IQSEC3: variants seen among roughly 807,000 people sequenced by gnomAD.
The protein encoded by IQSEC3 is IQ motif and SEC7 domain-containing protein 3.
In IQSEC3, 50 loss-of-function variants were observed where a neutral mutation model predicts 105.4. The observed-to-expected ratio is 0.47, with a 90% confidence interval of 0.38 to 0.60. The LOEUF is 0.60. IQSEC3 is among the 20% of genes least tolerant of loss of function. IQSEC3 has a pLI of 0.00. For synonymous variants in IQSEC3, 708 were observed against 746.0 expected (o/e 0.95, Z 0.83); for missense variants, 1,415 against 1,630.0 (o/e 0.87, Z 2.27).
In IQSEC3 at chr12:139,228, T is replaced by C. The variant is rs782071053; in HGVS notation, c.1865T>C (p.Leu622Pro). 65 of 1,593,348 alleles carry C rather than the reference T, an allele frequency of 4.1e-5. No individual in the cohort carries two copies. The highest frequency in any genetic ancestry group is 5.5e-5 in the Non-Finnish European group (64 of 1,169,982). ...EASASASKDA[L>P]QAMILSLPRY... ...TCGGCCTCCGCCTCCAAGGACGCCC[T>C]GCAGGCCATGATCCTGAGCCTGCCG... is the stretch of plus-strand genomic sequence containing the variant. Residue 622 changes from leucine (L) to proline (P), a missense_variant, in exon 4 of 14, where the codon CTG becomes CCG. This residue lies in a region of IQSEC3 where 720 missense variants were observed against 633.0 expected (regional missense o/e 1.14). Coordinates refer to ENST00000538872, the MANE Select transcript of IQSEC3 (RefSeq NM_001170738.2).
chr12:74,936 T>A (rs529490758), intron 1 of IQSEC3, among the ~76,000 whole-genome samples: 2 of 152,388 alleles, frequency 1.3e-5, no homozygotes, highest in South Asian at 4.1e-4. Context: ...TATGTGACGA[T>A]GGACCAAAAG....
chr12:164,284 A>G (rs1867065927), intron 9 of IQSEC3, among the ~76,000 whole-genome samples: 1 of 151,900 alleles, frequency 6.6e-6, no homozygotes, highest in South Asian at 2.1e-4. Flanking sequence ...CACCTCCACT[A>G]CTACAGTCTT....
intron 1 of IQSEC3, among the ~76,000 whole-genome samples, chr12:89,338 T>TG (rs1864012806): frequency 6.6e-6 from 1 of 152,150 alleles, no homozygotes; most frequent in South Asian, 2.1e-4. Flanking sequence ...TTAGGTGATC[T>TG]GGGGGCAATG....
Position 138,198 on chromosome 12 carries a change from C to A in IQSEC3, c.904-69C>A. The A allele has an allele frequency of 7.1e-7, 1 of 1,414,114 alleles. No individual in the cohort carries two copies. The highest frequency in any genetic ancestry group is 9.7e-7 in the Non-Finnish European group (1 of 1,029,238). The allele number at this position is 1,414,114 out of a possible 1,614,324, so 87.6% of individuals were successfully genotyped here. ...ACCCGAGTGTGGCCGGGTGACTCCA[C>A]CACTCCTCAGAAGGGCTGACCACCC... On this transcript the variant is annotated intron_variant, in intron 3 of 13. Transcript: ENST00000538872. This position sits in a 1 kb window ranked among gnomAD's most constrained non-coding sequence, Gnocchi z 7.1.
In IQSEC3 at chr12:139,039, C is replaced by A. The variant is rs1555088031; in HGVS notation, c.1676C>A (p.Ala559Asp). The A allele has an allele frequency of 6.7e-7, 1 of 1,488,784 alleles. No homozygotes were observed. 92.2% of individuals were successfully genotyped at this position (1,488,784 alleles called of 1,614,324 possible). A position where few individuals can be genotyped will look rare whatever the true frequency, so the allele number is the denominator to read the frequency against. The change falls in exon 4 of 14, where the codon GCT becomes GAT. Residue 559 changes from alanine (A) to aspartate (D), a missense_variant. By Grantham distance (126) the Ala-to-Asp change is moderately radical. Coordinates refer to ENST00000538872, the MANE Select transcript of IQSEC3 (RefSeq NM_001170738.2). ...SAEDSCAEAA[A>D]SGAADGATAP... is the part of the protein sequence containing the mutation. ...GAGGACTCATGCGCAGAGGCTGCGG[C>A]TAGTGGGGCGGCGGATGGGGCCACA... is the stretch of plus-strand genomic sequence containing the variant.
rs566415160 is a variant in IQSEC3 at position 172,706 on chromosome 12, T to A, written c.3114+1545T>A. ...GAGCTGTTCTCTGACCTGCTGCTCA[T>A]GTTCCATCCTCTGTCTCCCCACTCC... On this transcript the variant is annotated intron_variant, in intron 13 of 13. Coordinates refer to ENST00000538872, the MANE Select transcript of IQSEC3 (RefSeq NM_001170738.2). 1.4e-4 allele frequency among the ~76,000 whole-genome samples: 22 copies of A among 152,354 alleles called. No individual in the cohort carries two copies. The South Asian group carries it at 3.9e-3, about 27-fold the overall frequency.
chr12:149,808 A>G (rs928168997), intron 5 of IQSEC3, among the ~76,000 whole-genome samples: 1 of 152,100 alleles, frequency 6.6e-6, no homozygotes, highest in Admixed American at 6.5e-5. Context: ...AAATAACAGC[A>G]TGCACCAAAG....
At position 138,935 on chromosome 12, in the gene IQSEC3, G is replaced by C. The variant is rs1410907391; in HGVS notation, c.1572G>C (p.Ala524=). 30 of 1,589,936 alleles carry C rather than the reference G, an allele frequency of 1.9e-5. No individual in the cohort carries two copies. The highest frequency in any genetic ancestry group is 2.6e-5 in the Non-Finnish European group (30 of 1,169,400). Residue 524 remains alanine, a synonymous_variant, in exon 4 of 14, where the codon GCG becomes GCC. Coordinates refer to ENST00000538872, the MANE Select transcript of IQSEC3 (RefSeq NM_001170738.2). This position sits in a 1 kb window ranked among gnomAD's most constrained non-coding sequence, Gnocchi z 7.1. ...TCCAGGCCCCCGCAGAGCCCGCGGCGGGCAAGGCCGAGCAGGGCGAGACCT... is the reference window on the plus strand; with the variant it reads ...TCCAGGCCCCCGCAGAGCCCGCGGCCGGCAAGGCCGAGCAGGGCGAGACCT... ...QTVQAPAEPA[A]GKAEQGETSG...
chr12:80,158 A>C (rs1286766095), intron 1 of IQSEC3, among the ~76,000 whole-genome samples: 1 of 152,236 alleles, frequency 6.6e-6, no homozygotes, highest in African/African-American at 2.4e-5. Flanking sequence ...GAGCAGCTGC[A>C]TTTGAACTTG....
intron 2 of IQSEC3, among the ~76,000 whole-genome samples, chr12:107,678 G>A (rs1362233270): frequency 3.9e-5 from 6 of 151,970 alleles, no homozygotes; most frequent in Non-Finnish European, 8.8e-5. Flanking sequence ...CCAAAGTGCT[G>A]GGATTACAGG....
At chr12:163,652 C>T in intron 9 of IQSEC3, 33 bp downstream of exon 9, 1 of 1,226,088 alleles carries the variant, frequency 8.2e-7, no homozygotes, top group Non-Finnish European at 1.2e-6. Flanking sequence ...CTGGGCTGGG[C>T]TGGGGCTGCC....
chr12:76,086 TCACACACACACACA>T (rs55736036), intron 1 of IQSEC3, among the ~76,000 whole-genome samples: 131 of 148,448 alleles, frequency 8.8e-4, no homozygotes, highest in South Asian at 1.7e-3. Flanking sequence ...GAGAGTTTCA[TCACACACACACACA>T]CACACACACA....
intron 2 of IQSEC3, among the ~76,000 whole-genome samples, chr12:112,014 T>C (rs538916157): frequency 1.3e-5 from 2 of 152,284 alleles, no homozygotes; most frequent in African/African-American, 2.4e-5. Flanking sequence ...TGGTTCCTCA[T>C]AGGCTGAGTA....
At chr12:68,650 T>C (rs1297105841) in intron 1 of IQSEC3, among the ~76,000 whole-genome samples, 4 of 152,388 alleles carry the variant, frequency 2.6e-5, no homozygotes, top group African/African-American at 7.2e-5. Context: ...ACCTTGACAA[T>C]GGTGATGCAT....
At chr12:70,933 C>T (rs2136857509) in intron 1 of IQSEC3, among the ~76,000 whole-genome samples, 1 of 152,400 alleles carries the variant, frequency 6.6e-6, no homozygotes, top group African/African-American at 2.4e-5. Context: ...TCCTCTGCCT[C>T]ACTACCCTTT....
At chr12:174,181 T>G (rs1370463142) in intron 13 of IQSEC3, among the ~76,000 whole-genome samples, 1 of 152,156 alleles carries the variant, frequency 6.6e-6, no homozygotes, top group East Asian at 1.9e-4. Context: ...CAATAACGCT[T>G]GGCTCTGTCC....
At position 171,152 on chromosome 12, in the gene IQSEC3, C is replaced by A. The variant is rs574196677; in HGVS notation, c.3105C>A (p.Ser1035Arg). 6.2e-7 allele frequency: 1 copy of A among 1,614,110 alleles called. No individual in the cohort carries two copies. Among genetic ancestry groups the A allele is most frequent in the Admixed American group, 1.7e-5 (1 of 60,010 alleles). ...CGCTCAGGGAGAGGCCGGCGGAGAG[C>A]ACGGTGGAGGTAAGTGGAGCCCTGG... ...EAALRERPAESTVEVSIHNRL... is the reference protein window; with the variant it reads ...EAALRERPAERTVEVSIHNRL... Residue 1035 changes from serine (S) to arginine (R), a missense_variant, in exon 13 of 14, where the codon AGC becomes AGA. By Grantham distance (110) the Ser-to-Arg change is moderately radical. This residue lies in a region of IQSEC3 where 419 missense variants were observed against 436.2 expected (regional missense o/e 0.96). Coordinates refer to ENST00000538872, the MANE Select transcript of IQSEC3 (RefSeq NM_001170738.2).
At position 125,684 on chromosome 12, in the gene IQSEC3, AGCG is replaced by A. The variant is rs1555083058; in HGVS notation, c.683_685del (p.Ala228del). On this transcript the variant is annotated inframe_deletion, in exon 3 of 14. Coordinates refer to ENST00000538872, the MANE Select transcript of IQSEC3 (RefSeq NM_001170738.2). Reference sequence around the variant, plus strand: ...GGGGCATGGAGGACTCCGTGGTGGCAGCGGCGGCGGTGGCAGCCGGCAGACCCA... The same window carrying A: ...GGGGCATGGAGGACTCCGTGGTGGCAGCGGCGGTGGCAGCCGGCAGACCCA... The A allele has an allele frequency of 2.0e-6, 3 of 1,536,840 alleles. No homozygotes were observed. The highest frequency in any genetic ancestry group is 2.6e-6 in the Non-Finnish European group (3 of 1,152,938).
At chr12:95,635 A>G (rs924719915) in intron 1 of IQSEC3, among the ~76,000 whole-genome samples, 3 of 152,144 alleles carry the variant, frequency 2.0e-5, no homozygotes, top group Non-Finnish European at 4.4e-5. Flanking sequence ...TTGGGTTTGC[A>G]TTCATATATA....
Sources: allele counts gnomAD v4.1 joint callset (sites outside exome capture counted in the v4.1 genomes callset), GRCh38; gene constraint gnomAD v4.1.1; regional missense constraint gnomAD v4.1.1; non-coding constraint Gnocchi (gnomAD v3.1); transcripts MANE v1.5; gene names NCBI Gene and HGNC (gene_info 2026-07-23, HGNC 2026-07-21).